UGT2B11: variants seen among roughly 807,000 people sequenced by gnomAD.
The protein encoded by UGT2B11 is UDP-glucuronosyltransferase 2B11.
A neutral mutation model predicts 51.7 loss-of-function variants in UGT2B11; 49 were observed. The observed-to-expected ratio is 0.95, with a 90% confidence interval of 0.75 to 1.20. UGT2B11 has a LOEUF of 1.20. Among genes scored for constraint, UGT2B11 ranks in the 50% most tolerant of loss-of-function variants. UGT2B11 has a pLI of 0.00. For synonymous variants in UGT2B11, 273 were observed against 209.0 expected, an observed-to-expected ratio of 1.31 and a Z score of -2.64; for missense variants, 810 against 622.1, an observed-to-expected ratio of 1.30 and a Z score of -3.21.
the UGT2B11 span, among the ~76,000 whole-genome samples, chr4:69,222,691 G>A: frequency 6.6e-6 from 1 of 152,192 alleles, no homozygotes; most frequent in Non-Finnish European, 1.5e-5. Flanking sequence ...TCAAAGGACT[G>A]CCCCAATTCT....
chr4:69,210,591 T>C (rs1722024313), intron 2 of UGT2B11, among the ~76,000 whole-genome samples: 1 of 151,600 alleles, frequency 6.6e-6, no homozygotes, highest in Non-Finnish European at 1.5e-5. Flanking sequence ...CCTTTTTTCT[T>C]GTCCTTTTAC....
chr4:69,222,027 T>A, the UGT2B11 span, among the ~76,000 whole-genome samples: 1 of 152,288 alleles, frequency 6.6e-6, no homozygotes, highest in South Asian at 2.1e-4. Flanking sequence ...ACTAGGCAAT[T>A]GGCCTCTCCT....
chr4:69,200,461 C>A lies in UGT2B11; in HGVS notation c.1569G>T (p.Gly523=). ...ATAACTAATCTCTTTTTCCCTTCTT[C>A]CCTTTTCTAGCAAACTTCCAGAAAC... ...LFCFWKFARK[G]KKGKRD The change falls in exon 6 of 6, where the codon GGG becomes GGT. Residue 523 remains glycine, a synonymous_variant. Transcript: ENST00000446444. 6.2e-7 allele frequency: 1 copy of A among 1,611,044 alleles called. No individual in the cohort carries two copies.
chr4:69,206,598 A>T (rs1001494842), intron 3 of UGT2B11, among the ~76,000 whole-genome samples: 7 of 151,622 alleles, frequency 4.6e-5, no homozygotes, highest in African/African-American at 7.3e-5. Context: ...TATGTAAAAA[A>T]CCTGCACATG....
chr4:69,202,511 T>A lies in UGT2B11; in HGVS notation c.1311-1792A>T, dbSNP rs572359870. Among the ~76,000 whole-genome samples the A allele has an allele frequency of 2.6e-4, 39 of 151,738 alleles. No individual in the cohort carries two copies. In the East Asian group the frequency reaches 7.6e-3, roughly 30 times the overall value. On this transcript the variant is annotated intron_variant, in intron 5 of 5. Transcript: ENST00000446444. ...GTCTTGATTTATTGCCCACCACACA[T>A]CACTTCAAGGAAAGATTAAATATTT...
the UGT2B11 span, among the ~76,000 whole-genome samples, chr4:69,222,572 G>A: frequency 2.0e-5 from 3 of 152,264 alleles, no homozygotes; most frequent in African/African-American, 7.2e-5. Flanking sequence ...TCATTTAGCT[G>A]GCTAAAGTAC....
chr4:69,217,557 T>A (rs555380816), upstream of UGT2B11, among the ~76,000 whole-genome samples: 8 of 152,090 alleles, frequency 5.3e-5, no homozygotes, highest in Non-Finnish European at 1.2e-4. Flanking sequence ...AAGCTCTCTG[T>A]CTCAGAACAG....
At chr4:69,217,803 CA>C (rs919047584), upstream of UGT2B11, among the ~76,000 whole-genome samples, 4 of 151,934 alleles carry the variant, frequency 2.6e-5, no homozygotes, top group African/African-American at 9.6e-5. Flanking sequence ...AGCATATAGA[CA>C]AAAAAAATTT....
chr4:69,212,096 C>A (rs1722087508), intron 2 of UGT2B11, among the ~76,000 whole-genome samples: 1 of 151,492 alleles, frequency 6.6e-6, no homozygotes, highest in Admixed American at 6.6e-5. Context: ...TTTCTATTAT[C>A]TCCACTGATG....
upstream of UGT2B11, among the ~76,000 whole-genome samples, chr4:69,219,717 T>C (rs763310599): frequency 8.6e-5 from 13 of 151,964 alleles, 1 homozygote; most frequent in Non-Finnish European, 1.5e-4. Context: ...CTCAAGACAC[T>C]TATTCACTAT....
intron 1 of UGT2B11, 21 bp downstream of exon 1, chr4:69,213,981 A>C (rs375035896): frequency 4.4e-5 from 68 of 1,539,412 alleles, no homozygotes; most frequent in East Asian, 2.9e-4. Context: ...TCTTCACGTT[A>C]CCGATTAAAC....
chr4:69,204,857 TACAA>T (rs1560536907), intron 4 of UGT2B11, among the ~76,000 whole-genome samples: 1 of 151,744 alleles, frequency 6.6e-6, no homozygotes, highest in African/African-American at 2.4e-5. Flanking sequence ...CAAAACTTAA[TACAA>T]GATTTTCAGT....
chr4:69,203,403 A>G (rs1333859194), intron 5 of UGT2B11, among the ~76,000 whole-genome samples: 5 of 151,778 alleles, frequency 3.3e-5, no homozygotes, highest in Non-Finnish European at 7.4e-5. Context: ...TGTACTGCTG[A>G]TGGTAGTGAT....
chr4:69,220,248 G>T, the UGT2B11 span, among the ~76,000 whole-genome samples: 4 of 54,746 alleles, frequency 7.3e-5, no homozygotes, highest in Admixed American at 2.5e-4. Context: ...GGATTCCATG[G>T]TCTTCGGCAG....
intron 3 of UGT2B11, among the ~76,000 whole-genome samples, chr4:69,207,124 C>T (rs1347097117): frequency 1.3e-5 from 2 of 151,466 alleles, no homozygotes; most frequent in African/African-American, 4.8e-5. Context: ...AAAAATAAAG[C>T]TAATGAATAA....
At chr4:69,219,636 A>G (rs563544655), upstream of UGT2B11, among the ~76,000 whole-genome samples, 13 of 152,296 alleles carry the variant, frequency 8.5e-5, no homozygotes, top group Non-Finnish European at 1.5e-4. Flanking sequence ...ATGAGAAGCA[A>G]TGTTATGTAA....
intron 1 of UGT2B11, among the ~76,000 whole-genome samples, chr4:69,212,940 G>A (rs1722130008): frequency 6.6e-6 from 1 of 151,132 alleles, no homozygotes; most frequent in Non-Finnish European, 1.5e-5. Context: ...ATGAGGTTAA[G>A]CGACATCTCT....
chr4:69,221,926 C>T, the UGT2B11 span, among the ~76,000 whole-genome samples: 1 of 152,238 alleles, frequency 6.6e-6, no homozygotes, highest in Non-Finnish European at 1.5e-5. Flanking sequence ...TGGGGCAGTG[C>T]ACCAATTGCA....
Position 69,200,690 on chromosome 4 carries a change from C to G in UGT2B11, c.1340G>C (p.Arg447Thr). The change falls in exon 6 of 6, where the codon AGA becomes ACA. Residue 447 changes from arginine (R) to threonine (T), a missense_variant. Transcript: ENST00000446444. ...LYKENIMKLS[R>T]IQHDQPVKPL... ...CTTTACTGGTTGATCATGTTGAATT[C>G]TTGATAATTTCATAATATTCTCTTT... 5 of 1,606,334 alleles carry G rather than the reference C, an allele frequency of 3.1e-6. No homozygotes were observed. Among genetic ancestry groups the G allele is most frequent in the South Asian group, 2.2e-5 (2 of 90,182 alleles).
Sources: allele counts gnomAD v4.1 joint callset (sites outside exome capture counted in the v4.1 genomes callset), GRCh38; gene constraint gnomAD v4.1.1; transcripts MANE v1.5; gene names NCBI Gene and HGNC (gene_info 2026-07-23, HGNC 2026-07-21).